The following RBM25 variants were observed in gnomAD, a reference collection of about 807,000 sequenced individuals.
RBM25 encodes the protein RNA binding motif protein 25.
Under a neutral mutation model 120.7 loss-of-function variants are expected in RBM25, and 19 were observed. The observed-to-expected ratio is 0.16, with a 90% CI of 0.11 to 0.23. The LOEUF is 0.23. Ranked by LOEUF, RBM25 falls within the 10% of genes least tolerant of loss-of-function variation. The pLI, the probability that RBM25 is intolerant of heterozygous loss-of-function variation, is 1.00. For synonymous variants in RBM25, 390 were observed against 326.7 expected, an observed-to-expected ratio of 1.19 and a Z score of -2.09; for missense variants, 605 against 1,041.5, an observed-to-expected ratio of 0.58 and a Z score of 5.77.
intron 10 of RBM25, 128 bp downstream of exon 10, chr14:73,103,606 C>G: frequency 7.3e-7 from 1 of 1,377,176 alleles, no homozygotes; most frequent in Non-Finnish European, 9.5e-7. Flanking sequence ...CACTCTGTCA[C>G]TCAGCCTGGA....
intron 7 of RBM25, 94 bp from the exon 8 acceptor site, chr14:73,099,286 G>T: frequency 9.0e-7 from 1 of 1,113,326 alleles, no homozygotes; most frequent in Non-Finnish European, 1.3e-6. Flanking sequence ...GTACTGTATT[G>T]TTCACGTCAT....
intron 6 of RBM25, among the ~76,000 whole-genome samples, chr14:73,094,880 A>G (rs1377848858): frequency 1.4e-5 from 2 of 146,112 alleles, no homozygotes; most frequent in African/African-American, 5.1e-5. Context: ...GGGTGGAGAC[A>G]GAGTCTCGCT....
intron 1 of RBM25, among the ~76,000 whole-genome samples, chr14:73,069,672 A>G (rs1281430817): frequency 2.1e-5 from 3 of 141,484 alleles, no homozygotes; most frequent in East Asian, 2.3e-4. Flanking sequence ...ACCTCAGGTC[A>G]TGTGTCCGCC....
chr14:73,115,183 TG>T (rs1896400743), intron 18 of RBM25, among the ~76,000 whole-genome samples: 3 of 151,756 alleles, frequency 2.0e-5, no homozygotes, highest in South Asian at 2.1e-4. Flanking sequence ...TGTGTGTGTG[TG>T]TGTGTTTTAA....
chr14:73,113,451 G>A (rs1896357543), intron 17 of RBM25, among the ~76,000 whole-genome samples: 1 of 151,740 alleles, frequency 6.6e-6, no homozygotes. Context: ...CCGCACTTTG[G>A]GAGGCCAATG....
At chr14:73,094,065 C>T (rs1195251416) in intron 6 of RBM25, among the ~76,000 whole-genome samples, 3 of 150,564 alleles carry the variant, frequency 2.0e-5, no homozygotes, top group Non-Finnish European at 4.4e-5. Context: ...CATTCTCCTG[C>T]CTCAGCCTCC....
intron 3 of RBM25, among the ~76,000 whole-genome samples, chr14:73,076,825 A>G (rs1183007924): frequency 1.3e-5 from 2 of 152,244 alleles, no homozygotes; most frequent in Admixed American, 1.3e-4. Context: ...GGCCTAAGGC[A>G]TAAATTTTAA....
At chr14:73,085,128 C>G (rs1212310451) in intron 5 of RBM25, among the ~76,000 whole-genome samples, 2 of 152,036 alleles carry the variant, frequency 1.3e-5, no homozygotes, top group Non-Finnish European at 2.9e-5. Context: ...AAACGATTCT[C>G]CAGCCTCAGC....
chr14:73,083,838 C>T (rs887762778), intron 5 of RBM25, among the ~76,000 whole-genome samples: 6 of 151,430 alleles, frequency 4.0e-5, no homozygotes, highest in Non-Finnish European at 8.8e-5. Flanking sequence ...CAAGAAATGA[C>T]TGCATGATCA....
chr14:73,119,934 T>C lies in RBM25; in HGVS notation c.*129T>C. 1.5e-6 allele frequency: 2 copies of C among 1,373,452 alleles called. No individual in the cohort carries two copies. The highest frequency in any genetic ancestry group is 3.1e-5 in the South Asian group (2 of 65,310). The allele number at this position is 1,373,452 out of a possible 1,614,324, so 85.1% of individuals were successfully genotyped here. A position where few individuals can be genotyped will look rare whatever the true frequency, so the allele number is the denominator to read the frequency against. On this transcript the variant is annotated 3_prime_UTR_variant, in exon 19 of 19. Transcript: ENST00000261973. The stretch of plus-strand genomic sequence containing the variant: ...TTTTTTTTTGTAGAAAATGTGAATT[T>C]TTTGGTCCTCTAATTTGTTGTTGCC...
chr14:73,105,328 A>C (rs749527484), intron 10 of RBM25, among the ~76,000 whole-genome samples: 5 of 151,862 alleles, frequency 3.3e-5, no homozygotes, highest in Non-Finnish European at 5.9e-5. Flanking sequence ...AGATTTTATC[A>C]CTCTTAATTA....
At chr14:73,091,218 T>C (rs1241512862) in intron 6 of RBM25, among the ~76,000 whole-genome samples, 1 of 152,228 alleles carries the variant, frequency 6.6e-6, no homozygotes, top group African/African-American at 2.4e-5. Flanking sequence ...TTCACATTTC[T>C]TGCTTGCTTG....
At chr14:73,108,044 T>G in intron 13 of RBM25, 145 bp downstream of exon 13, 1 of 645,654 alleles carries the variant, frequency 1.5e-6, no homozygotes, top group Non-Finnish European at 2.7e-6. Context: ...CTATAGCTAA[T>G]ACACTGTTTT....
In RBM25 at chr14:73,119,703, TCCTCTTTAGGTA is replaced by T; in HGVS notation, c.2440-8_2443del. 6.2e-7 allele frequency: 1 copy of T among 1,611,322 alleles called. No individual in the cohort carries two copies. On this transcript the variant is annotated splice_acceptor_variant and splice_polypyrimidine_tract_variant and coding_sequence_variant and intron_variant, in exon 19 of 19. Transcript: ENST00000261973. LOFTEE classifies it high-confidence loss of function. ...CTCTTACATGTGTTGCTGTTTTGTT[TCCTCTTTAGGTA>T]CTTGATGAAGAAGCAGAAGTTTTTA... is the stretch of plus-strand genomic sequence containing the variant.
In RBM25 at chr14:73,085,368, A is replaced by G. The variant is rs1297802484; in HGVS notation, c.382+1817A>G. On this transcript the variant is annotated intron_variant, in intron 5 of 18. Coordinates refer to ENST00000261973, the MANE Select transcript of RBM25 (RefSeq NM_021239.3). ...CTGTCATTCTTTTATTGAGGAACAA[A>G]TCTTTTTCATATATTAGTAGAATGC... Among the ~76,000 whole-genome samples the G allele has an allele frequency of 1.3e-5, 2 of 148,668 alleles. 1 individual carries two copies. The highest frequency in any genetic ancestry group is 4.1e-4 in the East Asian group (2 of 4,884).
intron 1 of RBM25, among the ~76,000 whole-genome samples, chr14:73,068,776 A>C (rs1379967066): frequency 1.3e-5 from 2 of 152,074 alleles, no homozygotes; most frequent in African/African-American, 2.4e-5. Context: ...GGGTTTCACC[A>C]TGCTGGCCAG....
intron 14 of RBM25, among the ~76,000 whole-genome samples, chr14:73,110,115 C>T (rs973877355): frequency 9.9e-5 from 15 of 151,418 alleles, no homozygotes; most frequent in Admixed American, 2.0e-4. Context: ...AAACTCCTGA[C>T]CTCAAGTGAT....
At position 73,097,117 on chromosome 14, in the gene RBM25, CA is replaced by C; in HGVS notation, c.729+19del. ...AAGGAGGACGTATGTGTTCTGACAACAACATATCATTTCTACCGTTTGTTTT... is the reference window on the plus strand; with the variant it reads ...AAGGAGGACGTATGTGTTCTGACAACACATATCATTTCTACCGTTTGTTTT... On this transcript the variant is annotated intron_variant, in intron 7 of 18. Transcript: ENST00000261973. The C allele has an allele frequency of 6.5e-7, 1 of 1,539,612 alleles. No homozygotes were observed. The highest frequency in any genetic ancestry group is 1.2e-5 in the South Asian group (1 of 83,842).
chr14:73,104,533 T>C (rs1195239103), intron 10 of RBM25, among the ~76,000 whole-genome samples: 2 of 152,106 alleles, frequency 1.3e-5, no homozygotes, highest in Non-Finnish European at 2.9e-5. Context: ...CCCGGACTAA[T>C]TTTTGTATTT....
Sources: allele counts gnomAD v4.1 joint callset (sites outside exome capture counted in the v4.1 genomes callset), GRCh38; gene constraint gnomAD v4.1.1; transcripts MANE v1.5; gene names NCBI Gene and HGNC (gene_info 2026-07-23, HGNC 2026-07-21).